Variants in SPATA22 observed in about 807,000 individuals in gnomAD.
The protein encoded by SPATA22 is spermatogenesis associated 22.
Under a neutral mutation model 47.8 loss-of-function variants are expected in SPATA22, and 29 were observed. That is an observed-to-expected ratio of 0.61 (90% CI 0.45 to 0.83). The LOEUF is 0.83. Among genes scored for constraint, SPATA22 ranks in the 40% least tolerant of loss-of-function variants. The probability of loss-of-function intolerance (pLI) is 0.00; values close to 1 mark genes in which losing one functional copy is unlikely to be tolerated. For missense variants in SPATA22, 410 were observed against 421.7 expected (o/e 0.97, Z 0.24); for synonymous variants, 133 against 140.9 (o/e 0.94, Z 0.40).
In SPATA22 at chr17:3,509,730, G is replaced by A. The variant is rs549433340; in HGVS notation, c.-74+3682C>T. Among the ~76,000 whole-genome samples the A allele has an allele frequency of 2.6e-5, 4 of 152,268 alleles. No homozygotes were observed. In the South Asian group the frequency reaches 8.3e-4, roughly 32 times the overall value. On this transcript the variant is annotated intron_variant, in intron 1 of 8. Coordinates refer to the SPATA22 transcript ENST00000541913. ...GGTATTTCTGGTTGTGGATCTTTGA[G>A]GAATCGCCATACTGTCTTCCTCAAT...
chr17:3,512,107 T>C, intron 1 of SPATA22: 1 of 152,246 alleles, frequency 6.6e-6, no homozygotes, highest in East Asian at 1.9e-4. Flanking sequence ...ATCTCCAACA[T>C]CTGGAGCAGT....
rs200796816 is a variant in SPATA22 at position 3,448,977 on chromosome 17, G to A, written c.502C>T (p.Arg168Cys). 1.9e-3 allele frequency: 3,094 copies of A among 1,613,984 alleles called. 82 individuals carry two copies. The South Asian group carries it at 0.031, about 16-fold the overall frequency. The change falls in exon 6 of 9, where the codon CGC (arginine) becomes TGC (cysteine). Residue 168 changes from arginine (R) to cysteine (C), a missense_variant. Coordinates refer to ENST00000572969, the MANE Select transcript of SPATA22 (RefSeq NM_001170698.2). ...LRIPEPPNLS[R>C]NKETELLRQT... is the part of the protein sequence containing the mutation. ...CTGAGTAGCTCGGTTTCTTTGTTGC[G>A]AGATAAGTTAGGAGGTTCAGGTATT...
rs2073699287 is a variant in SPATA22, at chr17:3,485,275, G to T, written c.-73-15877C>A. 1.3e-5 allele frequency among the ~76,000 whole-genome samples: 2 copies of T among 152,150 alleles called. 1 individual carries two copies. The highest frequency in any genetic ancestry group is 4.1e-4 in the South Asian group (2 of 4,826). ...TCCTCCCACCTTGGCCTCCCAAAGT[G>T]CTGGGATTACAAGCGTGAGCCACCA... On this transcript the variant is annotated intron_variant, in intron 1 of 8. Coordinates refer to the SPATA22 transcript ENST00000541913. This position sits in a 1 kb window ranked among gnomAD's most constrained non-coding sequence, Gnocchi z 4.4.
chr17:3,494,516 G>C, intron 1 of SPATA22: 2 of 1,408,660 alleles, frequency 1.4e-6, no homozygotes, highest in Admixed American at 1.7e-5. Context: ...CCTTTGAATA[G>C]AAGTTTATAG....
At chr17:3,455,290 T>C (rs1366877805) in intron 5 of SPATA22, among the ~76,000 whole-genome samples, 1 of 152,152 alleles carries the variant, frequency 6.6e-6, no homozygotes, top group Non-Finnish European at 1.5e-5. Context: ...GCAGAAGCTC[T>C]TTAGTTTCAT....
chr17:3,448,835 T>C lies in SPATA22; in HGVS notation c.644A>G (p.Asp215Gly), dbSNP rs765063580. 1 of 1,610,040 alleles carries C rather than the reference T, an allele frequency of 6.2e-7. No individual in the cohort carries two copies. Among genetic ancestry groups the C allele is most frequent in the African/African-American group, 1.3e-5 (1 of 74,902 alleles). ...CAGGGTGTTGTCTTCTGGAATATCATCCAACATTTGTTTCTTATATTGATT... is the reference window on the plus strand; with the variant it reads ...CAGGGTGTTGTCTTCTGGAATATCACCCAACATTTGTTTCTTATATTGATT... Reference protein sequence around the residue: ...QQNQYKKQMLDDIPEDNTLKE... With the variant: ...QQNQYKKQMLGDIPEDNTLKE... The change falls in exon 6 of 9, where the codon GAT becomes GGT. Residue 215 changes from aspartate (D) to glycine (G), a missense_variant. By Grantham distance (94) the Asp-to-Gly change is moderately conservative (BLOSUM62 -1). Transcript: ENST00000572969.
chr17:3,473,622 C>T (rs1455056530), upstream of SPATA22, among the ~76,000 whole-genome samples: 1 of 152,178 alleles, frequency 6.6e-6, no homozygotes, highest in Non-Finnish European at 1.5e-5. Flanking sequence ...CCTCAGCCTC[C>T]TGAGTAACTA....
chr17:3,443,851 C>T (rs568252731), intron 7 of SPATA22, among the ~76,000 whole-genome samples: 1 of 138,992 alleles, frequency 7.2e-6, no homozygotes, highest in South Asian at 2.2e-4. Flanking sequence ...AGTTAACATA[C>T]CCAACACCTT....
At chr17:3,478,249 T>C (rs1253308429) in intron 1 of SPATA22, among the ~76,000 whole-genome samples, 3 of 152,124 alleles carry the variant, frequency 2.0e-5, no homozygotes, top group Non-Finnish European at 4.4e-5. Context: ...TCTATGTGCT[T>C]GTTTTCTGAT....
intron 1 of SPATA22, among the ~76,000 whole-genome samples, chr17:3,479,012 T>C (rs1156625659): frequency 2.6e-5 from 4 of 152,240 alleles, no homozygotes; most frequent in Non-Finnish European, 4.4e-5. Context: ...TCTCTCTGCA[T>C]CCAGACTTGC....
intron 1 of SPATA22, chr17:3,483,703 C>T: frequency 4.6e-6 from 5 of 1,087,808 alleles, no homozygotes; most frequent in Non-Finnish European, 6.8e-6. Context: ...TGCTCTGTCA[C>T]CCAGGCTGGA....
intron 1 of SPATA22, among the ~76,000 whole-genome samples, chr17:3,492,783 C>T (rs188914877): frequency 6.6e-6 from 1 of 152,226 alleles, no homozygotes; most frequent in East Asian, 1.9e-4. Context: ...AACAGTAAGG[C>T]CATCCCATAG....
At position 3,485,511 on chromosome 17, in the gene SPATA22, C is replaced by A. The variant is rs1597434575; in HGVS notation, c.-73-16113G>T. Among the ~76,000 whole-genome samples, 1 of 152,268 alleles carries A rather than the reference C, an allele frequency of 6.6e-6. No individual in the cohort carries two copies. The highest frequency in any genetic ancestry group is 1.9e-4 in the East Asian group (1 of 5,184). Reference sequence around the variant, plus strand: ...CGGGGCAACAAAAGTGAAACTCCGTCTCAAAAAAACAAACAAACAAAAATA... The same window carrying A: ...CGGGGCAACAAAAGTGAAACTCCGTATCAAAAAAACAAACAAACAAAAATA... On this transcript the variant is annotated intron_variant, in intron 1 of 8. Coordinates refer to the SPATA22 transcript ENST00000541913. The surrounding 1 kb of genome is among the most constrained non-coding windows in gnomAD (Gnocchi z 4.4).
At chr17:3,441,905 T>A (rs2150691326) in intron 8 of SPATA22, 1 of 152,106 alleles carries the variant, frequency 6.6e-6, no homozygotes, top group African/African-American at 2.4e-5. Context: ...TAAAAAGACA[T>A]AATGTATGAT....
At chr17:3,459,451 G>C (rs1271153655) in intron 5 of SPATA22, among the ~76,000 whole-genome samples, 2 of 151,936 alleles carry the variant, frequency 1.3e-5, no homozygotes, top group Admixed American at 1.3e-4. Context: ...TGTCACCCAG[G>C]CTGGAGTGCA....
chr17:3,450,398 T>C (rs779466679), intron 5 of SPATA22, among the ~76,000 whole-genome samples: 114 of 152,320 alleles, frequency 7.5e-4, no homozygotes, highest in Non-Finnish European at 1.3e-3. Flanking sequence ...ATTTAAGTTA[T>C]AAACACCACA....
At chr17:3,511,806 TTTATCCATAACAGATAC>T (rs2074117210) in intron 1 of SPATA22, 1 of 152,232 alleles carries the variant, frequency 6.6e-6, no homozygotes, top group Non-Finnish European at 1.5e-5. Context: ...TGGATACGGC[TTTATCCATAACAGATAC>T]GGCTTTATCC....
At chr17:3,463,390 CAT>C (rs1350613955) in intron 3 of SPATA22, among the ~76,000 whole-genome samples, 1 of 152,160 alleles carries the variant, frequency 6.6e-6, no homozygotes, top group African/African-American at 2.4e-5. Context: ...ACTTGTGCAA[CAT>C]GTTACTGTAC....
intron 8 of SPATA22, among the ~76,000 whole-genome samples, chr17:3,442,156 T>G (rs537478881): frequency 6.6e-6 from 1 of 151,822 alleles, no homozygotes; most frequent in South Asian, 2.1e-4. Flanking sequence ...AATAACAAAG[T>G]TTTTTTAAAA....
Sources: allele counts gnomAD v4.1 joint callset (sites outside exome capture counted in the v4.1 genomes callset), GRCh38; gene constraint gnomAD v4.1.1; non-coding constraint Gnocchi (gnomAD v3.1); transcripts MANE v1.5; gene names NCBI Gene and HGNC (gene_info 2026-07-23, HGNC 2026-07-21).